The following TRPC7 variants were observed in gnomAD, a reference collection of about 807,000 sequenced individuals.
TRPC7 encodes short transient receptor potential channel 7.
In TRPC7, 42 loss-of-function variants were observed where a neutral mutation model predicts 90.1. The ratio of observed to expected loss-of-function variants is 0.47; its 90% CI spans 0.36 to 0.60. The LOEUF (loss-of-function observed/expected upper bound fraction) is 0.60. Ranked by LOEUF, TRPC7 falls within the 20% of genes least tolerant of loss-of-function variation. The pLI is 0.00. For synonymous variants in TRPC7, 451 were observed against 436.3 expected (o/e 1.03, Z -0.42); for missense variants, 955 against 1,112.3 (o/e 0.86, Z 2.01).
intron 3 of TRPC7, among the ~76,000 whole-genome samples, chr5:136,289,726 A>G (rs1442555519): frequency 1.3e-5 from 2 of 152,270 alleles, no homozygotes; most frequent in Non-Finnish European, 2.9e-5. Flanking sequence ...GGCAGGGCAC[A>G]GATGAACAAA....
chr5:136,334,041 T>A (rs1235874037), intron 2 of TRPC7, among the ~76,000 whole-genome samples: 2 of 152,144 alleles, frequency 1.3e-5, no homozygotes, highest in Admixed American at 1.3e-4. Flanking sequence ...AAAATTTGAT[T>A]TTTTTTTAAA....
intron 4 of TRPC7, among the ~76,000 whole-genome samples, chr5:136,274,291 G>C (rs1247833312): frequency 6.6e-6 from 1 of 152,162 alleles, no homozygotes; most frequent in Non-Finnish European, 1.5e-5. Flanking sequence ...TTAGAGAAGA[G>C]AAACTACTCA....
chr5:136,344,891 T>A (rs79160615), intron 2 of TRPC7, among the ~76,000 whole-genome samples: 3,954 of 152,288 alleles, frequency 0.026, 70 homozygotes, highest in African/African-American at 0.045. Context: ...AGCAATAAAC[T>A]AAACACATGT....
At chr5:136,235,970 T>C (rs6893792) in intron 7 of TRPC7, among the ~76,000 whole-genome samples, 95,420 of 152,100 alleles carry the variant, frequency 0.63, 30,787 homozygotes, top group African/African-American at 0.79. Flanking sequence ...GGGACAAAGC[T>C]TGTTTGAGTC....
intron 7 of TRPC7, among the ~76,000 whole-genome samples, chr5:136,242,192 C>T (rs1372375149): frequency 2.0e-5 from 3 of 152,204 alleles, no homozygotes; most frequent in Non-Finnish European, 4.4e-5. Flanking sequence ...TCTCCACTTC[C>T]TTACCCATGT....
At chr5:136,347,054 C>A (rs529246026) in intron 2 of TRPC7, among the ~76,000 whole-genome samples, 22 of 152,138 alleles carry the variant, frequency 1.4e-4, no homozygotes, top group Admixed American at 3.3e-4. Flanking sequence ...TGGAGTGGTG[C>A]GTTGACAAGT....
chr5:136,332,015 T>C (rs1003339536), intron 2 of TRPC7, among the ~76,000 whole-genome samples: 11 of 152,058 alleles, frequency 7.2e-5, no homozygotes, highest in African/African-American at 1.2e-4. Flanking sequence ...TCCTCAGGTA[T>C]AGAGAGAAGA....
chr5:136,336,457 T>C (rs1759666947), intron 2 of TRPC7, among the ~76,000 whole-genome samples: 1 of 152,068 alleles, frequency 6.6e-6, no homozygotes, highest in African/African-American at 2.4e-5. Flanking sequence ...ATGTTGTTTA[T>C]GAAAATGTTT....
At chr5:136,245,581 C>T (rs1756311484) in intron 7 of TRPC7, among the ~76,000 whole-genome samples, 1 of 152,122 alleles carries the variant, frequency 6.6e-6, no homozygotes, top group African/African-American at 2.4e-5. Context: ...ACATTCTAGG[C>T]CACTCAGGGC....
chr5:136,304,334 G>T (rs947875581), intron 3 of TRPC7, among the ~76,000 whole-genome samples: 1 of 152,062 alleles, frequency 6.6e-6, no homozygotes, highest in East Asian at 1.9e-4. Flanking sequence ...AAGGATTAAA[G>T]CCTGTTATCA....
At chr5:136,323,534 A>T (rs1477515335) in intron 2 of TRPC7, among the ~76,000 whole-genome samples, 2 of 151,836 alleles carry the variant, frequency 1.3e-5, no homozygotes, top group East Asian at 3.9e-4. Flanking sequence ...GTGTAGGTTG[A>T]GGTATCTTTT....
intron 3 of TRPC7, among the ~76,000 whole-genome samples, chr5:136,313,373 G>GTCTA (rs1472445604): frequency 0.35 from 32,218 of 92,752 alleles, 3,563 homozygotes; most frequent in Admixed American, 0.38. Context: ...CTCAGGAGAT[G>GTCTA]TCTGTCTATC....
intron 3 of TRPC7, among the ~76,000 whole-genome samples, chr5:136,298,965 T>A (rs1758276780): frequency 6.6e-6 from 1 of 151,964 alleles, no homozygotes; most frequent in African/African-American, 2.4e-5. Flanking sequence ...CATGTTTGGG[T>A]GGAAGATTTA....
At position 136,213,299 on chromosome 5, in the gene TRPC7, C is replaced by A. The variant is rs1755151898; in HGVS notation, c.*136G>T. ...CGGGCTGGAGATGTCAGTCATGCTGCAAGAGACTGAGCCAGGAGATCCCCT... is the reference window on the plus strand; with the variant it reads ...CGGGCTGGAGATGTCAGTCATGCTGAAAGAGACTGAGCCAGGAGATCCCCT... On this transcript the variant is annotated 3_prime_UTR_variant, in exon 12 of 12. Coordinates refer to ENST00000513104, the MANE Select transcript of TRPC7 (RefSeq NM_020389.3). The A allele has an allele frequency of 2.3e-6, 2 of 880,776 alleles. No individual in the cohort carries two copies. Among genetic ancestry groups the A allele is most frequent in the Non-Finnish European group, 1.7e-6 (1 of 576,682 alleles). The allele number at this position is 880,776 out of a possible 1,614,324, so 54.6% of individuals were successfully genotyped here.
chr5:136,243,017 A>G (rs751121065), intron 7 of TRPC7, among the ~76,000 whole-genome samples: 1 of 152,168 alleles, frequency 6.6e-6, no homozygotes. Context: ...GGGAGGCGGT[A>G]TGTGATTTTA....
intron 8 of TRPC7, among the ~76,000 whole-genome samples, chr5:136,230,383 C>G (rs1755777943): frequency 2.0e-5 from 3 of 152,178 alleles, no homozygotes; most frequent in Admixed American, 1.3e-4. Flanking sequence ...GTGGACCTTT[C>G]AGAGGTTTGT....
chr5:136,218,017 CAAAAAAA>C (rs546867748), intron 10 of TRPC7, among the ~76,000 whole-genome samples: 9 of 60,166 alleles, frequency 1.5e-4, no homozygotes, highest in African/African-American at 5.5e-4. Flanking sequence ...GACTCTAATT[CAAAAAAA>C]AAAAAAAGAA....
At position 136,213,499 on chromosome 5, in the gene TRPC7, C is replaced by T; in HGVS notation, c.2525G>A (p.Ser842Asn). ...GTTTAAGTTCTTTCCAAACTTCTCG[C>T]TGAGTTGTTGAATCAGGTCTGCCAG... ...GELADLIQQL[S>N]EKFGKNLNKD... is the part of the protein sequence containing the mutation. Residue 842 changes from serine to asparagine, a missense_variant, in exon 12 of 12, where the codon AGC (serine) becomes AAC (asparagine). By Grantham distance (46) the Ser-to-Asn change is conservative. Around this residue, in one of 4 missense-constraint regions of TRPC7, gnomAD observed 296 missense variants for 422.7 expected, o/e 0.70. Transcript: ENST00000513104. 2 of 1,614,048 alleles carry T rather than the reference C, an allele frequency of 1.2e-6. No homozygotes were observed. The highest frequency in any genetic ancestry group is 1.7e-6 in the Non-Finnish European group (2 of 1,179,896).
chr5:136,317,140 G>A (rs756954665), intron 2 of TRPC7, among the ~76,000 whole-genome samples: 3 of 152,188 alleles, frequency 2.0e-5, no homozygotes, highest in Non-Finnish European at 4.4e-5. Flanking sequence ...AATTTAGGTA[G>A]AAGAAGGGAG....
Sources: gnomAD v4.1 joint callset for allele counts (sites outside exome capture counted in the v4.1 genomes callset) on GRCh38, gnomAD v4.1.1 for gene constraint, gnomAD v4.1.1 regional missense constraint, MANE v1.5 for transcripts, NCBI Gene and HGNC (gene_info 2026-07-23, HGNC 2026-07-21) for gene names.